The following SDK1 variants were observed in gnomAD, a reference collection of about 807,000 sequenced individuals.
The protein encoded by SDK1 is sidekick cell adhesion molecule 1.
In SDK1, 157 loss-of-function variants were observed where a neutral mutation model predicts 245.5. That is an observed-to-expected ratio of 0.64 (90% CI 0.56 to 0.73). The LOEUF is 0.73. Ranked by LOEUF, SDK1 falls within the 30% of genes least tolerant of loss-of-function variation. The pLI is 0.00. For synonymous variants in SDK1, 1,647 were observed against 1,278.5 expected, an observed-to-expected ratio of 1.29 and a Z score of -6.15; for missense variants, 3,583 against 3,002.3, an observed-to-expected ratio of 1.19 and a Z score of -4.52.
At chr7:4,204,840 G>A (rs112525104) in intron 35 of SDK1, among the ~76,000 whole-genome samples, 3,004 of 152,288 alleles carry the variant, frequency 0.02, 52 homozygotes, top group Non-Finnish European at 0.033. Context: ...GCAGAGAATA[G>A]GCCGTCAAGA....
intron 35 of SDK1, among the ~76,000 whole-genome samples, chr7:4,192,750 G>T (rs138262466): frequency 1.3e-5 from 2 of 151,598 alleles, no homozygotes; most frequent in East Asian, 1.9e-4. Flanking sequence ...TCCAAGACCC[G>T]CCCGTGTCGA....
intron 1 of SDK1, among the ~76,000 whole-genome samples, chr7:3,511,698 G>GGACA (rs1782584769): frequency 6.6e-6 from 1 of 151,572 alleles, no homozygotes; most frequent in East Asian, 1.9e-4. Flanking sequence ...AAGTCACTGT[G>GGACA]GACAGTTAAA....
chr7:3,302,942 T>A (rs1277746684), intron 1 of SDK1, among the ~76,000 whole-genome samples: 1 of 151,046 alleles, frequency 6.6e-6, no homozygotes, highest in African/African-American at 2.5e-5. Context: ...TGTAGTAACA[T>A]GACTTAAATG....
At chr7:3,742,642 C>T (rs909122552) in intron 4 of SDK1, among the ~76,000 whole-genome samples, 1 of 152,182 alleles carries the variant, frequency 6.6e-6, no homozygotes, top group Non-Finnish European at 1.5e-5. Flanking sequence ...CTTCCAAGCA[C>T]AGCCATTCTT....
At chr7:3,306,740 C>A (rs999240809) in intron 1 of SDK1, among the ~76,000 whole-genome samples, 1 of 152,128 alleles carries the variant, frequency 6.6e-6, no homozygotes, top group African/African-American at 2.4e-5. Context: ...CCTCAGAGCC[C>A]CTGTATTGCT....
At chr7:4,256,366 A>C (rs897133157) in intron 44 of SDK1, among the ~76,000 whole-genome samples, 4 of 152,164 alleles carry the variant, frequency 2.6e-5, no homozygotes, top group African/African-American at 9.7e-5. Flanking sequence ...TTCAGAGGGG[A>C]CTGGGAAGAA....
chr7:3,542,836 A>C (rs968395680), intron 1 of SDK1, among the ~76,000 whole-genome samples: 1 of 152,170 alleles, frequency 6.6e-6, no homozygotes, highest in Non-Finnish European at 1.5e-5. Context: ...AAAAACATCA[A>C]AGACAAAGAC....
chr7:3,629,013 C>A (rs764369335), intron 2 of SDK1, among the ~76,000 whole-genome samples: 1 of 151,950 alleles, frequency 6.6e-6, no homozygotes, highest in Non-Finnish European at 1.5e-5. Context: ...GCACTACAGG[C>A]CAAGCGCAGT....
At position 4,074,856 on chromosome 7, in the gene SDK1, TTCTC is replaced by T. The variant is rs1159856321; in HGVS notation, c.3011-2116_3011-2113del. Reference sequence around the variant, plus strand: ...CCAGCCTGGGCAACAGAGCAAGACTTTCTCTCTCTCTCTCTCTCTCTCTCTCTCT... The same window carrying T: ...CCAGCCTGGGCAACAGAGCAAGACTTTCTCTCTCTCTCTCTCTCTCTCTCT... On this transcript the variant is annotated intron_variant, in intron 20 of 44. Transcript: ENST00000404826. Among the ~76,000 whole-genome samples, 58 of 72,310 alleles carry T rather than the reference TTCTC, an allele frequency of 8.0e-4. 1 individual carries two copies. The highest frequency in any genetic ancestry group is 2.4e-3 in the African/African-American group (25 of 10,516). The allele number at this position is 72,310 out of a possible 152,430, so 47.4% of individuals were successfully genotyped here. A position where few individuals can be genotyped will look rare whatever the true frequency, so the allele number is the denominator to read the frequency against.
At position 3,301,717 on chromosome 7, in the gene SDK1, C is replaced by G; in HGVS notation, c.131C>G (p.Pro44Arg). Residue 44 changes from proline to arginine, a missense_variant, in exon 1 of 45, where the codon CCC becomes CGC. By Grantham distance (103) the Pro-to-Arg change is moderately radical. Coordinates refer to ENST00000404826, the MANE Select transcript of SDK1 (RefSeq NM_152744.4). ...GRARPSLAPR[P>R]GPEPSRPRAA... ...GCCCGCCCCTCGCTGGCGCCGCGCC[C>G]CGGCCCGGAGCCCTCGCGACCCCGG... The G allele has an allele frequency of 1.0e-6, 1 of 976,742 alleles. No individual in the cohort carries two copies. The highest frequency in any genetic ancestry group is 1.2e-6 in the Non-Finnish European group (1 of 825,846). The allele number at this position is 976,742 out of a possible 1,614,324, so 60.5% of individuals were successfully genotyped here.
chr7:3,547,866 C>G lies in SDK1; in HGVS notation c.299-71214C>G, dbSNP rs144797933. The stretch of plus-strand genomic sequence containing the variant: ...TTTGCCACCCTGCTTTCCTTTCTGC[C>G]TGGCCATCTGCTTCTTAGAATCTTC... On this transcript the variant is annotated intron_variant, in intron 1 of 44. Transcript: ENST00000404826. Among the ~76,000 whole-genome samples the G allele has an allele frequency of 3.2e-3, 488 of 152,310 alleles. 1 individual carries two copies. Among genetic ancestry groups the G allele is most frequent in the African/African-American group, 0.011 (473 of 41,562 alleles).
chr7:3,775,184 A>T (rs532140591), intron 4 of SDK1, among the ~76,000 whole-genome samples: 1 of 152,300 alleles, frequency 6.6e-6, no homozygotes, highest in South Asian at 2.1e-4. Flanking sequence ...ATAAAGTTCA[A>T]ATTAGAAGCT....
intron 1 of SDK1, among the ~76,000 whole-genome samples, chr7:3,308,151 T>A (rs1373338358): frequency 6.6e-6 from 1 of 152,170 alleles, no homozygotes; most frequent in Non-Finnish European, 1.5e-5. Flanking sequence ...AATTTATCAG[T>A]ATAAGCCTGA....
intron 41 of SDK1, 121 bp downstream of exon 41, chr7:4,233,540 G>T: frequency 1.1e-6 from 1 of 948,468 alleles, no homozygotes; most frequent in Admixed American, 2.5e-5. Flanking sequence ...GGGTCGAGGG[G>T]GACCCAGGGA....
chr7:3,772,800 C>G (rs1359548200), intron 4 of SDK1, among the ~76,000 whole-genome samples: 1 of 152,150 alleles, frequency 6.6e-6, no homozygotes, highest in Non-Finnish European at 1.5e-5. Flanking sequence ...TCTGGGAAAT[C>G]TTAATTCCAC....
intron 5 of SDK1, among the ~76,000 whole-genome samples, chr7:3,837,020 T>C (rs1451229309): frequency 6.6e-6 from 1 of 152,154 alleles, no homozygotes; most frequent in East Asian, 1.9e-4. Flanking sequence ...CTTCCGCTTC[T>C]TATAAGGACC....
chr7:4,241,163 T>G (rs1786494800), intron 42 of SDK1, among the ~76,000 whole-genome samples: 1 of 152,216 alleles, frequency 6.6e-6, no homozygotes, highest in Non-Finnish European at 1.5e-5. Context: ...CACAGGTACG[T>G]GCAGTCATGA....
rs146917727 is a variant in SDK1, at chr7:3,618,269, C to G, written c.299-811C>G. ...ACATCAGGAAATAAATTTTGACCTG[C>G]TTTTCATAAGCCATCCCATTACCTT... On this transcript the variant is annotated intron_variant, in intron 1 of 44. Coordinates refer to ENST00000404826, the MANE Select transcript of SDK1 (RefSeq NM_152744.4). Among the ~76,000 whole-genome samples, 527 of 152,272 alleles carry G rather than the reference C, an allele frequency of 3.5e-3. 5 individuals carry two copies. The highest frequency in any genetic ancestry group is 0.012 in the African/African-American group (479 of 41,554).
chr7:4,091,134 T>C (rs1352243452), intron 22 of SDK1, among the ~76,000 whole-genome samples: 2 of 152,102 alleles, frequency 1.3e-5, no homozygotes, highest in Non-Finnish European at 2.9e-5. Flanking sequence ...CTAACATGAC[T>C]GCACTATCTT....
Sources: allele counts gnomAD v4.1 joint callset (sites outside exome capture counted in the v4.1 genomes callset), GRCh38; gene constraint gnomAD v4.1.1; transcripts MANE v1.5; gene names NCBI Gene and HGNC (gene_info 2026-07-23, HGNC 2026-07-21).